Variants in CDH13 observed in about 807,000 individuals in gnomAD.
CDH13 encodes the protein cadherin-13.
In CDH13, 24 loss-of-function variants were observed where a neutral mutation model predicts 63.8. The observed-to-expected ratio is 0.38, with a 90% CI of 0.27 to 0.53. The LOEUF (loss-of-function observed/expected upper bound fraction) is 0.53. Among genes scored for constraint, CDH13 ranks in the 20% least tolerant of loss-of-function variants. The pLI is 0.85. For synonymous variants in CDH13, 503 were observed against 355.3 expected, an observed-to-expected ratio of 1.42 and a Z score of -4.67; for missense variants, 1,049 against 903.1, an observed-to-expected ratio of 1.16 and a Z score of -2.07.
At chr16:82,864,721 C>A (rs1336289106) in intron 2 of CDH13, among the ~76,000 whole-genome samples, 1 of 152,138 alleles carries the variant, frequency 6.6e-6, no homozygotes, top group Non-Finnish European at 1.5e-5. Context: ...TTATTCCGCC[C>A]CTGGTTCCTC....
intron 3 of CDH13, among the ~76,000 whole-genome samples, chr16:83,037,493 G>T (rs1372926869): frequency 1.3e-5 from 2 of 152,200 alleles, no homozygotes; most frequent in Admixed American, 1.3e-4. Context: ...AGCAAGATTT[G>T]CCAGAAAGGA....
intron 3 of CDH13, among the ~76,000 whole-genome samples, chr16:83,039,160 C>G (rs1391310002): frequency 6.6e-6 from 1 of 152,214 alleles, no homozygotes; most frequent in African/African-American, 2.4e-5. Context: ...ACGCTTGGAT[C>G]CAGCTTCACT....
At chr16:83,174,034 G>A (rs12599897) in intron 4 of CDH13, among the ~76,000 whole-genome samples, 9,479 of 152,086 alleles carry the variant, frequency 0.062, 528 homozygotes, top group African/African-American at 0.14. Context: ...AGGGAAAGGA[G>A]AGGGACTTAT....
chr16:82,645,423 AG>A (rs1326907451), intron 1 of CDH13, among the ~76,000 whole-genome samples: 2 of 151,838 alleles, frequency 1.3e-5, no homozygotes, highest in Non-Finnish European at 2.9e-5. Context: ...TGTTGGGGTG[AG>A]GGGGGTTGTG....
chr16:83,418,483 T>A (rs2071617930), intron 6 of CDH13, among the ~76,000 whole-genome samples: 1 of 152,142 alleles, frequency 6.6e-6, no homozygotes, highest in South Asian at 2.1e-4. Flanking sequence ...TACATTCTCA[T>A]AGGTCAGTAG....
chr16:83,729,108 G>C (rs1273091841), intron 10 of CDH13: 1 of 152,122 alleles, frequency 6.6e-6, no homozygotes, highest in African/African-American at 2.4e-5. Context: ...ACTTCCTAAG[G>C]AGAGGCCCAC....
chr16:83,348,169 G>A (rs1419809086), intron 6 of CDH13, among the ~76,000 whole-genome samples: 2 of 152,206 alleles, frequency 1.3e-5, no homozygotes, highest in South Asian at 2.1e-4. Flanking sequence ...CAGCCTGGGC[G>A]ACAGAGAAAG....
In CDH13 at chr16:83,175,193, A is replaced by G. The variant is rs541088423; in HGVS notation, c.484-42152A>G. Among the ~76,000 whole-genome samples the G allele has an allele frequency of 3.3e-5, 5 of 152,258 alleles. No homozygotes were observed. The South Asian group carries it at 6.2e-4, about 19-fold the overall frequency. Reference sequence around the variant, plus strand: ...TATTCTAGATGCTTTATTCTCAAACATGCCACAGGATAACACATAAGATAT... The same window carrying G: ...TATTCTAGATGCTTTATTCTCAAACGTGCCACAGGATAACACATAAGATAT... On this transcript the variant is annotated intron_variant, in intron 4 of 13. Transcript: ENST00000567109.
intron 10 of CDH13, among the ~76,000 whole-genome samples, chr16:83,719,589 G>T (rs527526276): frequency 2.0e-5 from 3 of 152,100 alleles, no homozygotes. Flanking sequence ...CGTAGCTACC[G>T]AGCGCTTCCT....
intron 1 of CDH13, among the ~76,000 whole-genome samples, chr16:82,736,667 A>G (rs16958392): frequency 0.098 from 14,990 of 152,200 alleles, 876 homozygotes; most frequent in East Asian, 0.26. Flanking sequence ...GGTTAATACG[A>G]TAATTTTTCT....
chr16:83,127,007 G>A (rs2035841240), intron 4 of CDH13, among the ~76,000 whole-genome samples: 1 of 152,174 alleles, frequency 6.6e-6, no homozygotes, highest in African/African-American at 2.4e-5. Context: ...GGCTGTGATG[G>A]CTGGTTGGAG....
chr16:82,764,815 C>CTT (rs567333858), intron 1 of CDH13, among the ~76,000 whole-genome samples: 1,871 of 135,240 alleles, frequency 0.014, 46 homozygotes, highest in African/African-American at 0.048. Flanking sequence ...TTCATTCATT[C>CTT]TTTTTTTTTT....
chr16:82,885,700 C>A (rs1444775979), intron 2 of CDH13, among the ~76,000 whole-genome samples: 1 of 152,160 alleles, frequency 6.6e-6, no homozygotes. Context: ...GCATTGGTTA[C>A]AAGCACAAGA....
chr16:82,967,052 C>A (rs576711036), intron 2 of CDH13, among the ~76,000 whole-genome samples: 1 of 152,240 alleles, frequency 6.6e-6, no homozygotes, highest in Admixed American at 6.5e-5. Context: ...AAAAGTTCTT[C>A]ATCTTTGTTC....
At chr16:82,785,393 T>C (rs147383598) in intron 1 of CDH13, among the ~76,000 whole-genome samples, 80 of 152,298 alleles carry the variant, frequency 5.3e-4, no homozygotes, top group African/African-American at 1.8e-3. Flanking sequence ...AATGCAGCTC[T>C]TTAAAATGGA....
intron 3 of CDH13, among the ~76,000 whole-genome samples, chr16:83,078,748 C>T (rs773579575): frequency 5.3e-5 from 8 of 152,188 alleles, no homozygotes; most frequent in Non-Finnish European, 1.2e-4. Context: ...GTGTCAAATT[C>T]TTCCAAGTGT....
chr16:83,280,245 T>C (rs796258980), intron 5 of CDH13, among the ~76,000 whole-genome samples: 1 of 152,232 alleles, frequency 6.6e-6, no homozygotes, highest in East Asian at 1.9e-4. Context: ...GCTGCTGCTT[T>C]GTCGACTAAA....
At chr16:83,187,127 C>A (rs1027933821) in intron 4 of CDH13, among the ~76,000 whole-genome samples, 2 of 152,116 alleles carry the variant, frequency 1.3e-5, no homozygotes, top group Non-Finnish European at 2.9e-5. Context: ...CCTGCCACCA[C>A]ACACAACTAA....
intron 5 of CDH13, among the ~76,000 whole-genome samples, chr16:83,275,328 T>C (rs998445031): frequency 6.6e-6 from 1 of 152,244 alleles, no homozygotes; most frequent in African/African-American, 2.4e-5. Context: ...CATCATACTT[T>C]CTGTCCAAAT....
Sources: allele counts gnomAD v4.1 joint callset (sites outside exome capture counted in the v4.1 genomes callset), GRCh38; gene constraint gnomAD v4.1.1; transcripts MANE v1.5; gene names NCBI Gene and HGNC (gene_info 2026-07-23, HGNC 2026-07-21).